Variants in CRISP1 observed in about 807,000 individuals in gnomAD.
CRISP1 encodes cysteine rich secretory protein 1, also known as cysteine-rich secretory protein 1.
A neutral mutation model predicts 33.1 loss-of-function variants in CRISP1; 44 were observed. That is an observed-to-expected ratio of 1.33 (90% CI 1.05 to 1.71). The LOEUF (loss-of-function observed/expected upper bound fraction) is 1.71, where lower values mean the gene tolerates loss of function less well. Among genes scored for constraint, CRISP1 ranks in the 40% most tolerant of loss-of-function variants. CRISP1 has a pLI of 0.00. For synonymous variants in CRISP1, 103 were observed against 98.7 expected, an observed-to-expected ratio of 1.04 and a Z score of -0.26; for missense variants, 390 against 301.2, an observed-to-expected ratio of 1.29 and a Z score of -2.18.
upstream of CRISP1, among the ~76,000 whole-genome samples, chr6:49,869,995 CTT>C (rs1582288333): frequency 1.3e-5 from 2 of 152,136 alleles, no homozygotes; most frequent in Non-Finnish European, 2.9e-5. Flanking sequence ...CCTTCTCAGA[CTT>C]TAAATCTAAC....
chr6:49,864,384 CTGTGTGTGTGTGTGTG>C (rs3997164), intron 1 of CRISP1, among the ~76,000 whole-genome samples: 49 of 142,366 alleles, frequency 3.4e-4, no homozygotes, highest in Admixed American at 6.3e-4. Flanking sequence ...TTGCTATTCA[CTGTGTGTGTGTGTGTG>C]TGTGTGTGTG....
intron 1 of CRISP1, among the ~76,000 whole-genome samples, chr6:49,862,115 T>C (rs537422499): frequency 6.6e-6 from 1 of 152,250 alleles, no homozygotes; most frequent in East Asian, 1.9e-4. Flanking sequence ...AGGCAAATTG[T>C]CACTCTTTGC....
intron 4 of CRISP1, among the ~76,000 whole-genome samples, chr6:49,847,947 A>AT (rs1490488493): frequency 1.3e-5 from 2 of 152,080 alleles, no homozygotes; most frequent in African/African-American, 2.4e-5. Flanking sequence ...CAATACTGAG[A>AT]TTTTTTATTC....
intron 1 of CRISP1, among the ~76,000 whole-genome samples, chr6:49,872,314 G>A (rs1771943570): frequency 6.6e-6 from 1 of 151,966 alleles, no homozygotes; most frequent in Non-Finnish European, 1.5e-5. Context: ...TTTGTCAGAT[G>A]AGTAGGTTGC....
intron 2 of CRISP1, among the ~76,000 whole-genome samples, chr6:49,852,776 GA>G (rs967637624): frequency 2.0e-5 from 3 of 151,460 alleles, no homozygotes; most frequent in Non-Finnish European, 4.4e-5. Context: ...TTTTTATTCT[GA>G]AACTCACTAA....
intron 1 of CRISP1, chr6:49,876,992 T>G (rs1772050848): frequency 6.6e-6 from 1 of 151,726 alleles, no homozygotes; most frequent in Non-Finnish European, 1.5e-5. Flanking sequence ...TGGCACACAT[T>G]CACCTATGTA....
intron 3 of CRISP1, among the ~76,000 whole-genome samples, chr6:49,851,379 C>G (rs1187955356): frequency 6.6e-6 from 1 of 152,152 alleles, no homozygotes; most frequent in African/African-American, 2.4e-5. Context: ...ACACCTGAGA[C>G]TTCCCTAAAT....
chr6:49,852,830 G>A (rs565687060), intron 2 of CRISP1, among the ~76,000 whole-genome samples: 64 of 147,684 alleles, frequency 4.3e-4, no homozygotes, highest in African/African-American at 1.5e-3. Flanking sequence ...AGCATTAATC[G>A]CTATAAAGAG....
chr6:49,845,833 G>A (rs1459342165), intron 5 of CRISP1, among the ~76,000 whole-genome samples: 1 of 152,108 alleles, frequency 6.6e-6, no homozygotes, highest in Non-Finnish European at 1.5e-5. Context: ...GCTACAACAT[G>A]GATGAACATG....
At chr6:49,850,108 G>A (rs149623620) in intron 3 of CRISP1, among the ~76,000 whole-genome samples, 1 of 117,036 alleles carries the variant, frequency 8.5e-6, no homozygotes, top group Admixed American at 1.0e-4. Context: ...TGGGGTGGGG[G>A]GAGGGGGAGG....
At chr6:49,872,375 C>A (rs544830865) in intron 1 of CRISP1, among the ~76,000 whole-genome samples, 100 of 151,930 alleles carry the variant, frequency 6.6e-4, no homozygotes, top group African/African-American at 2.4e-3. Context: ...ATGGTAGTTT[C>A]TTTTGCTGTG....
intron 2 of CRISP1, among the ~76,000 whole-genome samples, chr6:49,855,163 T>C (rs761768539): frequency 6.6e-6 from 1 of 152,178 alleles, no homozygotes; most frequent in Non-Finnish European, 1.5e-5. Context: ...CTGGACTGAT[T>C]GTGGCTACTG....
chr6:49,839,352 G>T (rs895685730), intron 6 of CRISP1, among the ~76,000 whole-genome samples: 4 of 151,454 alleles, frequency 2.6e-5, no homozygotes, highest in African/African-American at 9.7e-5. Flanking sequence ...TTGGAAGGCT[G>T]AGGTGGGAGG....
Position 49,840,867 on chromosome 6 carries a change from G to T in CRISP1, c.533+31C>A, listed in dbSNP as rs556784148. On this transcript the variant is annotated intron_variant, in intron 6 of 7. Transcript: ENST00000335847. ...AAACTAGATTAGGTTACTTTAGGGG[G>T]ATATATATTTTAAAAACTAATAATA... 1.4e-5 allele frequency: 22 copies of T among 1,517,918 alleles called. 1 individual carries two copies. The East Asian group carries it at 2.1e-4, about 14-fold the overall frequency. The allele number at this position is 1,517,918 out of a possible 1,614,324, so 94.0% of individuals were successfully genotyped here.
chr6:49,846,469 A>G (rs113649577), intron 5 of CRISP1, 51 bp downstream of exon 5: 4 of 1,559,530 alleles, frequency 2.6e-6, no homozygotes, highest in Admixed American at 3.7e-5. Flanking sequence ...ACGTTTCCAC[A>G]CACATGCTTA....
At chr6:49,852,514 G>A (rs1771378898) in intron 2 of CRISP1, among the ~76,000 whole-genome samples, 1 of 152,138 alleles carries the variant, frequency 6.6e-6, no homozygotes, top group Non-Finnish European at 1.5e-5. Context: ...TGCAACAACT[G>A]TACTCTCTGC....
At chr6:49,846,272 T>C (rs574264001) in intron 5 of CRISP1, among the ~76,000 whole-genome samples, 1 of 152,184 alleles carries the variant, frequency 6.6e-6, no homozygotes, top group South Asian at 2.1e-4. Context: ...ATGAGATTGA[T>C]GTCTTATGAT....
rs1487269420 is a variant in CRISP1 at position 49,857,419 on chromosome 6, A to G, written c.-2-17T>C. ...TTTCCATCCCTGAAAGAAAAATAAC[A>G]CAATTTTAGATTATTCTCAATTCAT... On this transcript the variant is annotated splice_polypyrimidine_tract_variant and intron_variant, in intron 1 of 7. Transcript: ENST00000335847. The G allele has an allele frequency of 7.5e-6, 12 of 1,606,746 alleles. No homozygotes were observed. Among genetic ancestry groups the G allele is most frequent in the Non-Finnish European group, 1.0e-5 (12 of 1,174,360 alleles).
intron 1 of CRISP1, among the ~76,000 whole-genome samples, chr6:49,876,167 G>C (rs1203952455): frequency 6.6e-6 from 1 of 151,854 alleles, no homozygotes; most frequent in African/African-American, 2.4e-5. Flanking sequence ...AATATCAAGA[G>C]AGTACAAGGA....
Sources: gnomAD v4.1 joint callset for allele counts (sites outside exome capture counted in the v4.1 genomes callset) on GRCh38, gnomAD v4.1.1 for gene constraint, MANE v1.5 for transcripts, NCBI Gene and HGNC (gene_info 2026-07-23, HGNC 2026-07-21) for gene names.